Variants in MACF1 observed in about 807,000 individuals in gnomAD.
MACF1 encodes the protein microtubule-actin cross-linking factor 1.
A neutral mutation model predicts 854.8 loss-of-function variants in MACF1; 193 were observed. The ratio of observed to expected loss-of-function variants is 0.23; its 90% CI spans 0.20 to 0.25. The LOEUF is 0.25. MACF1 is among the 10% of genes least tolerant of loss of function. The pLI is 1.00. For missense variants in MACF1, 7,722 were observed against 8,929.1 expected, an observed-to-expected ratio of 0.86 and a Z score of 5.45; for synonymous variants, 3,185 against 3,226.7, an observed-to-expected ratio of 0.99 and a Z score of 0.44.
chr1:39,279,957 A>G (rs1229087701), intron 6 of MACF1, among the ~76,000 whole-genome samples: 1 of 152,268 alleles, frequency 6.6e-6, no homozygotes, highest in African/African-American at 2.4e-5. Flanking sequence ...AAAGTCATTC[A>G]TAGTCCCACT....
chr1:39,137,944 C>T (rs965419730), intron 2 of MACF1, among the ~76,000 whole-genome samples: 4 of 151,416 alleles, frequency 2.6e-5, no homozygotes, highest in Admixed American at 6.6e-5. Flanking sequence ...CATGGTAGCA[C>T]GAGCCTATAA....
At position 39,433,049 on chromosome 1, in the gene MACF1, C is replaced by T; in HGVS notation, c.17459C>T (p.Ala5820Val). 6.3e-7 allele frequency: 1 copy of T among 1,591,074 alleles called. No homozygotes were observed. Among genetic ancestry groups the T allele is most frequent in the Non-Finnish European group, 8.6e-7 (1 of 1,161,622 alleles). ...TTAACTACAGTTTACTTTTCAAAGG[C>T]TTTCTCCATTGACATTATTCGACAC... ...QTTAQLQVQK[A>V]FSIDIIRHKD... Residue 5820 changes from alanine to valine, a missense_variant and splice_region_variant, in exon 68 of 101, where the codon GCT (alanine) becomes GTT (valine). This residue lies in a region of MACF1 where 2,807 missense variants were observed against 3,235.8 expected (regional missense o/e 0.87). Transcript: ENST00000564288.
chr1:39,182,749 G>A (rs1176753132), intron 2 of MACF1, among the ~76,000 whole-genome samples: 1 of 152,184 alleles, frequency 6.6e-6, no homozygotes, highest in Admixed American at 6.5e-5. Context: ...TTGCTGGTGG[G>A]AATATAAAAT....
chr1:39,318,316 C>T (rs1646452569), intron 29 of MACF1, 137 bp from the exon 30 acceptor site: 2 of 721,420 alleles, frequency 2.8e-6, no homozygotes, highest in Non-Finnish European at 4.5e-6. Flanking sequence ...AGCCTTGCAT[C>T]GCTGTTCCCC....
intron 93 of MACF1, 42 bp downstream of exon 93, chr1:39,462,079 G>T: frequency 1.3e-6 from 2 of 1,599,166 alleles, no homozygotes; most frequent in South Asian, 1.1e-5. Flanking sequence ...TCTGGCTGTA[G>T]GTTTGTAATA....
At chr1:39,410,547 TGA>T in intron 58 of MACF1, 1 of 1,613,986 alleles carries the variant, frequency 6.2e-7, no homozygotes, top group Non-Finnish European at 8.5e-7. Flanking sequence ...AGAAGCTGGA[TGA>T]GAGGATAATA....
chr1:39,440,900 T>G (rs1243566782), intron 72 of MACF1, 103 bp from the exon 73 acceptor site: 7 of 1,130,596 alleles, frequency 6.2e-6, no homozygotes, highest in African/African-American at 1.5e-5. Flanking sequence ...CTGACAGTTA[T>G]GTTGAGCATC....
intron 26 of MACF1, among the ~76,000 whole-genome samples, chr1:39,311,624 G>A (rs1234037699): frequency 6.6e-6 from 1 of 152,120 alleles, no homozygotes; most frequent in Non-Finnish European, 1.5e-5. Flanking sequence ...GTCCTCTGAG[G>A]CATACAAAGA....
chr1:39,472,919 C>T (rs1644804344), intron 97 of MACF1, among the ~76,000 whole-genome samples: 1 of 152,208 alleles, frequency 6.6e-6, no homozygotes, highest in Admixed American at 6.5e-5. Flanking sequence ...AGCTAGCTAA[C>T]CACTGTTTAC....
Position 39,105,600 on chromosome 1 carries a change from G to T in MACF1, c.220+21162G>T. On this transcript the variant is annotated intron_variant, in intron 2 of 93. Transcript: ENST00000361689. This position sits in a 1 kb window ranked among gnomAD's most constrained non-coding sequence, Gnocchi z 5.9. ...CTGGAACCGGCAGCCCCCGGGGCTC[G>T]GCGAGAAGGCGGTGCGGGCGGCCAT... 8.2e-7 allele frequency: 1 copy of T among 1,215,314 alleles called. No homozygotes were observed. 75.3% of individuals were successfully genotyped at this position (1,215,314 alleles called of 1,614,324 possible).
At chr1:39,351,421 AGTTTAAGTCAGGACAGTTG>A (rs1354665650) in intron 43 of MACF1, among the ~76,000 whole-genome samples, 2 of 152,118 alleles carry the variant, frequency 1.3e-5, no homozygotes, top group African/African-American at 4.8e-5. Context: ...GTCCAGGAGG[AGTTTAAGTCAGGACAGTTG>A]GTAAAAAGTA....
chr1:39,336,206 C>G lies in MACF1; in HGVS notation c.9618C>G (p.Asp3206Glu). The G allele has an allele frequency of 6.2e-7, 1 of 1,613,940 alleles. No individual in the cohort carries two copies. The highest frequency in any genetic ancestry group is 8.5e-7 in the Non-Finnish European group (1 of 1,179,960). Residue 3206 changes from aspartate to glutamate, a missense_variant, in exon 37 of 101, where the codon GAC becomes GAG. Coordinates refer to ENST00000564288, the MANE Select transcript of MACF1 (RefSeq NM_001394062.1). ...AAGTCAGGTATCTAGAATTCTCAGA[C>G]AGAAAAGACCTTCATCATCAGGGCA... ...SKEVRYLEFS[D>E]RKDLHHQGSK...
At position 39,454,932 on chromosome 1, in the gene MACF1, C is replaced by T; in HGVS notation, c.20910C>T (p.His6970=). Reference sequence around the variant, plus strand: ...AGGTCCTGACATGGGCTAAGCAGCACCAGCAGCGTCTTGAAACGGCCTTGT... The same window carrying T: ...AGGTCCTGACATGGGCTAAGCAGCATCAGCAGCGTCTTGAAACGGCCTTGT... ...FEEVLTWAKQ[H]QQRLETALSE... The change falls in exon 89 of 101, where the codon CAC becomes CAT. Residue 6970 remains histidine (H), a synonymous_variant. Coordinates refer to ENST00000564288, the MANE Select transcript of MACF1 (RefSeq NM_001394062.1). 6.2e-7 allele frequency: 1 copy of T among 1,614,110 alleles called. No individual in the cohort carries two copies. The highest frequency in any genetic ancestry group is 8.5e-7 in the Non-Finnish European group (1 of 1,179,988).
intron 53 of MACF1, 115 bp from the exon 54 acceptor site, chr1:39,379,088 A>C: frequency 9.3e-7 from 1 of 1,072,568 alleles, no homozygotes; most frequent in South Asian, 1.8e-5. Context: ...TAGCAGGAAG[A>C]TAATCTCTAA....
intron 89 of MACF1, chr1:39,456,977 C>T (rs893127650): frequency 1.3e-5 from 2 of 152,232 alleles, no homozygotes; most frequent in Non-Finnish European, 2.9e-5. Context: ...TCTCTCTGAC[C>T]GTTCCTTTTT....
intron 41 of MACF1, among the ~76,000 whole-genome samples, chr1:39,348,614 G>A (rs1021811613): frequency 6.6e-6 from 1 of 152,180 alleles, no homozygotes; most frequent in Non-Finnish European, 1.5e-5. Flanking sequence ...GTCCTAAAGA[G>A]GGGGAGAGAG....
At position 39,291,907 on chromosome 1, in the gene MACF1, C is replaced by T; in HGVS notation, c.1786-3C>T. ...TGTCATATATATATTTTTTCTTTTT[C>T]AGATGAAACTGGAGCGAGCAGAGTG... On this transcript the variant is annotated splice_polypyrimidine_tract_variant and splice_region_variant and intron_variant, in intron 15 of 100. Coordinates refer to ENST00000564288, the MANE Select transcript of MACF1 (RefSeq NM_001394062.1). The T allele has an allele frequency of 6.2e-7, 1 of 1,607,240 alleles. No homozygotes were observed. Among genetic ancestry groups the T allele is most frequent in the African/African-American group, 1.3e-5 (1 of 74,376 alleles).
intron 1 of MACF1, among the ~76,000 whole-genome samples, chr1:39,208,601 C>T (rs2148272681): frequency 6.6e-6 from 1 of 152,032 alleles, no homozygotes; most frequent in Non-Finnish European, 1.5e-5. Context: ...CTACAGGCGC[C>T]TGCCACCACG....
At chr1:39,367,096 G>C (rs529338122) in intron 49 of MACF1, among the ~76,000 whole-genome samples, 1 of 151,768 alleles carries the variant, frequency 6.6e-6, no homozygotes, top group Non-Finnish European at 1.5e-5. Context: ...TACAGAGTGC[G>C]CCACCATGCC....
Sources: gnomAD v4.1 joint callset for allele counts (sites outside exome capture counted in the v4.1 genomes callset) on GRCh38, gnomAD v4.1.1 for gene constraint, gnomAD v4.1.1 regional missense constraint, Gnocchi (gnomAD v3.1) non-coding constraint, MANE v1.5 for transcripts, NCBI Gene and HGNC (gene_info 2026-07-23, HGNC 2026-07-21) for gene names.